Variants in SNX13 observed in about 807,000 individuals in gnomAD.
SNX13 encodes sorting nexin 13.
A neutral mutation model predicts 133.6 loss-of-function variants in SNX13; 45 were observed. The observed-to-expected ratio is 0.34, with a 90% CI of 0.27 to 0.43. The LOEUF (loss-of-function observed/expected upper bound fraction) is 0.43, where lower values mean the gene tolerates loss of function less well. Among genes scored for constraint, SNX13 ranks in the 20% least tolerant of loss-of-function variants. SNX13 has a pLI of 1.00. For missense variants in SNX13, 1,032 were observed against 1,145.1 expected, an observed-to-expected ratio of 0.90 and a Z score of 1.43; for synonymous variants, 414 against 373.9, an observed-to-expected ratio of 1.11 and a Z score of -1.24.
At chr7:17,830,076 C>T (rs934599629) in intron 15 of SNX13, 29 bp from the exon 16 acceptor site, 3 of 1,472,336 alleles carry the variant, frequency 2.0e-6, no homozygotes, top group East Asian at 2.6e-5. Flanking sequence ...ACTTAGTATA[C>T]AGCAAAAAAC....
Position 17,803,472 on chromosome 7 carries a change from T to A in SNX13, c.2173A>T (p.Met725Leu), listed in dbSNP as rs1416951407. ...AEGMTKMSDN[M>L]GKMSERLGQD... ...CCTAATCTTTCTGACATTTTGCCCA[T>A]GTTGTCTGACATTTTAGTCATTCCC... The change falls in exon 21 of 26, where the codon ATG (methionine) becomes TTG (leucine). Residue 725 changes from methionine (M) to leucine (L), a missense_variant. By Grantham distance (15) the Met-to-Leu change is conservative (BLOSUM62 2). Transcript: ENST00000428135. 6.2e-7 allele frequency: 1 copy of A among 1,612,740 alleles called. No homozygotes were observed. The highest frequency in any genetic ancestry group is 1.3e-5 in the African/African-American group (1 of 75,056).
chr7:17,934,224 C>T (rs1801762473), intron 1 of SNX13, among the ~76,000 whole-genome samples: 1 of 152,142 alleles, frequency 6.6e-6, no homozygotes, highest in Non-Finnish European at 1.5e-5. Flanking sequence ...AAAATTAAAC[C>T]TGACTCTGAA....
chr7:17,915,322 C>T (rs559037099), intron 1 of SNX13, among the ~76,000 whole-genome samples: 22 of 152,302 alleles, frequency 1.4e-4, no homozygotes, highest in African/African-American at 4.8e-4. Context: ...CTTACCTAGG[C>T]GCCACAGCAA....
At chr7:17,882,766 G>A (rs1353196101) in intron 5 of SNX13, 1 of 1,154,760 alleles carries the variant, frequency 8.7e-7, no homozygotes, top group African/African-American at 1.7e-5. Context: ...AGAACTGAAA[G>A]GGTTCTCAAA....
intron 18 of SNX13, among the ~76,000 whole-genome samples, chr7:17,818,485 A>G (rs1786923589): frequency 6.6e-6 from 1 of 152,220 alleles, no homozygotes; most frequent in Admixed American, 6.5e-5. Flanking sequence ...AAAGCAAGGG[A>G]GAAAATGTGA....
intron 1 of SNX13, among the ~76,000 whole-genome samples, chr7:17,913,999 A>C (rs1799285890): frequency 6.6e-6 from 1 of 152,070 alleles, no homozygotes; most frequent in African/African-American, 2.4e-5. Context: ...CAACACAAAG[A>C]AGCCAGAAAA....
At chr7:17,909,702 G>C (rs1229280918) in intron 1 of SNX13, among the ~76,000 whole-genome samples, 1 of 152,064 alleles carries the variant, frequency 6.6e-6, no homozygotes, top group Non-Finnish European at 1.5e-5. Flanking sequence ...ATACACACTG[G>C]CACCTGTCTG....
intron 20 of SNX13, 38 bp downstream of exon 20, chr7:17,814,796 C>G: frequency 1.4e-6 from 2 of 1,420,226 alleles, no homozygotes; most frequent in Non-Finnish European, 1.9e-6. Flanking sequence ...AGAAAACAGA[C>G]CTAGAAAGAA....
In SNX13 at chr7:17,890,396, G is replaced by C. The variant is rs977886999; in HGVS notation, c.407C>G (p.Thr136Ser). Residue 136 changes from threonine (T) to serine (S), a missense_variant, in exon 5 of 26, where the codon ACT becomes AGT. Transcript: ENST00000428135. ...AAACTGAATGAGTGCGTTTTGAAGA[G>C]TCTGCCTAATTTCAAGAAGAAAAGA... ...DESFLLEIRQ[T>S]LQNALIQFAT... 1 of 1,611,242 alleles carries C rather than the reference G, an allele frequency of 6.2e-7. No individual in the cohort carries two copies. Among genetic ancestry groups the C allele is most frequent in the Non-Finnish European group, 8.5e-7 (1 of 1,178,382 alleles).
intron 20 of SNX13, among the ~76,000 whole-genome samples, chr7:17,808,453 T>C (rs1272148920): frequency 6.6e-6 from 1 of 152,082 alleles, no homozygotes; most frequent in African/African-American, 2.4e-5. Context: ...TATGAGACTA[T>C]GAGAAAAGAC....
intron 20 of SNX13, 82 bp from the exon 21 acceptor site, chr7:17,803,662 T>A (rs1421306062): frequency 1.6e-6 from 2 of 1,222,138 alleles, no homozygotes; most frequent in African/African-American, 3.1e-5. Context: ...AAATATAGAG[T>A]GCAACACTGG....
In SNX13 at chr7:17,791,902, C is replaced by T. The variant is rs375846740; in HGVS notation, c.*2143G>A. On this transcript the variant is annotated 3_prime_UTR_variant, in exon 26 of 26. Transcript: ENST00000428135. Reference sequence around the variant, plus strand: ...AAAGACTATCATTTGACATTTTCTGCTTCTGAAATATAAACTCTTCTAAAC... The same window carrying T: ...AAAGACTATCATTTGACATTTTCTGTTTCTGAAATATAAACTCTTCTAAAC... The T allele has an allele frequency of 1.1e-4, 17 of 152,164 alleles. No individual in the cohort carries two copies. Among genetic ancestry groups the T allele is most frequent in the African/African-American group, 3.4e-4 (14 of 41,560 alleles). 9.4% of individuals were successfully genotyped at this position (152,164 alleles called of 1,614,324 possible). A position where few individuals can be genotyped will look rare whatever the true frequency, so the allele number is the denominator to read the frequency against.
chr7:17,799,146 G>A lies in SNX13; in HGVS notation c.2307C>T (p.Asp769=). The change falls in exon 23 of 26, where the codon GAC becomes GAT. Residue 769 remains aspartate (D), a synonymous_variant. Transcript: ENST00000428135. ...GCAGCATTACCCTAAGTGGAATATT[G>A]TCATCCACCTGACAAAATATAAGAA... ...VSAQLDDNVD[D]NIPLRVMLLL... 1 of 1,600,512 alleles carries A rather than the reference G, an allele frequency of 6.2e-7. No homozygotes were observed. The highest frequency in any genetic ancestry group is 8.5e-7 in the Non-Finnish European group (1 of 1,174,312).
chr7:17,830,291 A>G, intron 15 of SNX13: 1 of 984,264 alleles, frequency 1.0e-6, no homozygotes, highest in Non-Finnish European at 1.2e-6. Context: ...AAAATCAAAA[A>G]GGCATTCGTG....
chr7:17,940,134 G>A (rs376729695), intron 1 of SNX13, 150 bp downstream of exon 1: 1 of 1,015,698 alleles, frequency 9.8e-7, no homozygotes, highest in Non-Finnish European at 1.5e-6. Flanking sequence ...CCTACTCTGA[G>A]GGCACTTGTA....
chr7:17,911,066 G>A (rs1004567025), intron 1 of SNX13, among the ~76,000 whole-genome samples: 1 of 151,968 alleles, frequency 6.6e-6, no homozygotes, highest in Non-Finnish European at 1.5e-5. Flanking sequence ...ACTTCCAAAC[G>A]TTAAAAAACA....
intron 11 of SNX13, among the ~76,000 whole-genome samples, chr7:17,846,932 G>A (rs149705826): frequency 9.2e-5 from 14 of 152,262 alleles, no homozygotes; most frequent in East Asian, 1.9e-4. Context: ...CTGCAAATCC[G>A]TGGGGATTCT....
chr7:17,795,491 G>T (rs1783945955), intron 25 of SNX13: 1 of 151,564 alleles, frequency 6.6e-6, no homozygotes, highest in Admixed American at 6.6e-5. Context: ...CATCATCTCA[G>T]TGAGGCCTGC....
chr7:17,862,501 G>GA (rs1792837710), intron 9 of SNX13, among the ~76,000 whole-genome samples: 1 of 151,970 alleles, frequency 6.6e-6, no homozygotes, highest in African/African-American at 2.4e-5. Flanking sequence ...TATCCTATGA[G>GA]AATTACAGTC....
Sources: gnomAD v4.1 joint callset for allele counts (sites outside exome capture counted in the v4.1 genomes callset) on GRCh38, gnomAD v4.1.1 for gene constraint, MANE v1.5 for transcripts, NCBI Gene and HGNC (gene_info 2026-07-23, HGNC 2026-07-21) for gene names.